The following HPSE2 variants were observed in gnomAD, a reference collection of about 807,000 sequenced individuals.
The protein encoded by HPSE2 is heparanase 2 (inactive).
HPSE2 carries 38 observed loss-of-function variants against 60.5 expected under a neutral mutation model. The ratio of observed to expected loss-of-function variants is 0.63; its 90% CI spans 0.48 to 0.82. The LOEUF (loss-of-function observed/expected upper bound fraction) is 0.82, where lower values mean the gene tolerates loss of function less well. Among genes scored for constraint, HPSE2 ranks in the 40% least tolerant of loss-of-function variants. The probability of loss-of-function intolerance (pLI) is 0.00; values close to 1 mark genes in which losing one functional copy is unlikely to be tolerated. For missense variants in HPSE2, 713 were observed against 740.4 expected (o/e 0.96, Z 0.43); for synonymous variants, 295 against 293.2 (o/e 1.01, Z -0.06).
the HPSE2 span, among the ~76,000 whole-genome samples, chr10:99,277,008 C>T: frequency 2.6e-5 from 4 of 152,138 alleles, no homozygotes; most frequent in Non-Finnish European, 5.9e-5. Flanking sequence ...AGCTAAATTA[C>T]CAGGTCAATT....
At chr10:98,882,919 A>G (rs4919260) in intron 3 of HPSE2, among the ~76,000 whole-genome samples, 127,800 of 152,070 alleles carry the variant, frequency 0.84, 53,952 homozygotes, top group African/African-American at 0.9. Flanking sequence ...ATATCACAGT[A>G]TTAGCAGGTT....
chr10:99,001,710 T>C (rs1956780650), intron 3 of HPSE2, among the ~76,000 whole-genome samples: 4 of 152,234 alleles, frequency 2.6e-5, no homozygotes, highest in East Asian at 1.9e-4. Flanking sequence ...TAAAGGCTTG[T>C]TGACGGTACA....
intron 2 of HPSE2, among the ~76,000 whole-genome samples, chr10:99,172,567 T>A (rs1847352782): frequency 6.6e-6 from 1 of 152,156 alleles, no homozygotes; most frequent in South Asian, 2.1e-4. Context: ...TGGAAACATG[T>A]AAGAACAGAA....
intron 11 of HPSE2, among the ~76,000 whole-genome samples, chr10:98,478,243 A>G (rs891734895): frequency 3.9e-5 from 6 of 152,186 alleles, no homozygotes; most frequent in Non-Finnish European, 7.3e-5. Flanking sequence ...GAACATGACA[A>G]GGGAGGGACC....
chr10:98,723,415 C>T (rs1589709487), intron 4 of HPSE2, among the ~76,000 whole-genome samples: 3 of 152,212 alleles, frequency 2.0e-5, no homozygotes, highest in Admixed American at 6.5e-5. Context: ...GGATATTGGT[C>T]TAAAATTCTC....
chr10:98,898,341 T>C (rs562841260), intron 3 of HPSE2, among the ~76,000 whole-genome samples: 3 of 152,258 alleles, frequency 2.0e-5, no homozygotes, highest in Non-Finnish European at 2.9e-5. Context: ...TAACCTTCAA[T>C]AGGTGAATGT....
At chr10:98,973,949 G>A (rs996320056) in intron 3 of HPSE2, among the ~76,000 whole-genome samples, 3 of 152,060 alleles carry the variant, frequency 2.0e-5, no homozygotes, top group African/African-American at 4.8e-5. Flanking sequence ...CACTTACACA[G>A]TGACAAAAGA....
intron 3 of HPSE2, among the ~76,000 whole-genome samples, chr10:99,131,943 C>A (rs1001961247): frequency 1.3e-5 from 2 of 151,628 alleles, no homozygotes; most frequent in African/African-American, 2.4e-5. Flanking sequence ...GAAACCCCAT[C>A]TCTACTAAAA....
chr10:98,542,312 C>G (rs1163535317), intron 9 of HPSE2, among the ~76,000 whole-genome samples: 59 of 140,706 alleles, frequency 4.2e-4, no homozygotes, highest in South Asian at 7.0e-4. Context: ...GACATCCACA[C>G]CAAAAACCCA....
intron 5 of HPSE2, among the ~76,000 whole-genome samples, chr10:98,705,736 C>T (rs184464729): frequency 9.2e-5 from 14 of 152,202 alleles, no homozygotes; most frequent in African/African-American, 1.9e-4. Flanking sequence ...AGGGGAGCAA[C>T]ACACACTGGG....
intron 3 of HPSE2, among the ~76,000 whole-genome samples, chr10:99,039,040 T>C (rs1433825499): frequency 6.6e-6 from 1 of 152,114 alleles, no homozygotes; most frequent in Non-Finnish European, 1.5e-5. Flanking sequence ...GTATCAGTCT[T>C]CAGAGGGCGC....
At chr10:99,063,237 G>A (rs1177860615) in intron 3 of HPSE2, among the ~76,000 whole-genome samples, 1 of 151,496 alleles carries the variant, frequency 6.6e-6, no homozygotes, top group East Asian at 1.9e-4. Context: ...TAAGACTGAA[G>A]AAAATATTTA....
At chr10:98,648,828 CAACA>C in intron 6 of HPSE2, among the ~76,000 whole-genome samples, 1 of 152,046 alleles carries the variant, frequency 6.6e-6, no homozygotes, top group East Asian at 1.9e-4. Flanking sequence ...AAATAAATCA[CAACA>C]AACTCCCAGA....
At chr10:98,976,303 A>C (rs1261732905) in intron 3 of HPSE2, among the ~76,000 whole-genome samples, 1 of 152,224 alleles carries the variant, frequency 6.6e-6, no homozygotes, top group African/African-American at 2.4e-5. Flanking sequence ...AATGCATATT[A>C]AGTGCTTACT....
intron 3 of HPSE2, among the ~76,000 whole-genome samples, chr10:99,109,978 A>T (rs971489644): frequency 3.3e-5 from 5 of 152,200 alleles, no homozygotes; most frequent in Non-Finnish European, 7.3e-5. Context: ...AATAAAAATT[A>T]TTTAAGGAAG....
chr10:98,595,843 A>T (rs551167409), intron 9 of HPSE2, among the ~76,000 whole-genome samples: 11 of 152,146 alleles, frequency 7.2e-5, no homozygotes, highest in Admixed American at 3.3e-4. Context: ...TGGGTTTGTC[A>T]TATATGGACT....
rs10883117 is a variant in HPSE2 at position 98,522,098 on chromosome 10, T to A, written c.1321-31902A>T. On this transcript the variant is annotated intron_variant, in intron 9 of 11. Transcript: ENST00000370552. ...TGTACACCTATTTATCAAACCTGCA[T>A]GTTGTGCACATGTACCCTAGAACTT... Among the ~76,000 whole-genome samples, 3 of 151,522 alleles carry A rather than the reference T, an allele frequency of 2.0e-5. No homozygotes were observed. In the East Asian group the frequency reaches 5.8e-4, roughly 29 times the overall value.
At chr10:98,772,402 T>A (rs1191579629) in intron 3 of HPSE2, among the ~76,000 whole-genome samples, 1 of 152,166 alleles carries the variant, frequency 6.6e-6, no homozygotes, top group African/African-American at 2.4e-5. Flanking sequence ...CCCGAGCCAA[T>A]TTGCAGATCC....
intron 2 of HPSE2, among the ~76,000 whole-genome samples, chr10:99,193,846 G>A: frequency 6.6e-6 from 1 of 152,082 alleles, no homozygotes. Flanking sequence ...AGTAGCTGGA[G>A]ACTTCAACAC....
Sources: allele counts gnomAD v4.1 joint callset (sites outside exome capture counted in the v4.1 genomes callset), GRCh38; gene constraint gnomAD v4.1.1; transcripts MANE v1.5; gene names NCBI Gene and HGNC (gene_info 2026-07-23, HGNC 2026-07-21).